Variants in CDH8 observed in about 807,000 individuals in gnomAD.
The protein encoded by CDH8 is cadherin 8.
A neutral mutation model predicts 68.1 loss-of-function variants in CDH8; 17 were observed. The ratio of observed to expected loss-of-function variants is 0.25; its 90% CI spans 0.17 to 0.37. The LOEUF (loss-of-function observed/expected upper bound fraction) is 0.37. CDH8 is among the 10% of genes least tolerant of loss of function. The pLI is 1.00. For synonymous variants in CDH8, 372 were observed against 365.1 expected, an observed-to-expected ratio of 1.02 and a Z score of -0.21; for missense variants, 763 against 999.3, an observed-to-expected ratio of 0.76 and a Z score of 3.19.
intron 2 of CDH8, among the ~76,000 whole-genome samples, chr16:61,953,693 C>A (rs191393745): frequency 6.6e-6 from 1 of 151,314 alleles, no homozygotes; most frequent in Admixed American, 6.6e-5. Flanking sequence ...CTTGGCAACA[C>A]CCTGTCTCTA....
At position 61,655,712 on chromosome 16, in the gene CDH8, A is replaced by T; in HGVS notation, c.1664T>A (p.Leu555His). The change falls in exon 11 of 12, where the codon CTC (leucine) becomes CAC (histidine). Residue 555 changes from leucine (L) to histidine (H), a missense_variant. Physicochemically the swap from Leu to His is moderately conservative, Grantham distance 99. This residue lies in a region of CDH8 where 397 missense variants were observed against 436.2 expected (regional missense o/e 0.91). Coordinates refer to ENST00000577390, the MANE Select transcript of CDH8 (RefSeq NM_001796.5). ...TCCATTATGCTTTGCCAAAATACTG[A>T]GGGAATTATCTGAAAAAAGTAAAAA... ...FTIKKNEDNS[L>H]SILAKHNGFN... 6.2e-7 allele frequency: 1 copy of T among 1,613,478 alleles called. No homozygotes were observed.
Position 61,647,544 on chromosome 16 carries a change from T to C in CDH8, c.*6064A>G. 2.3e-6 allele frequency: 1 copy of C among 437,276 alleles called. No individual in the cohort carries two copies. The allele number at this position is 437,276 out of a possible 1,614,324, so 27.1% of individuals were successfully genotyped here. A position where few individuals can be genotyped will look rare whatever the true frequency, so the allele number is the denominator to read the frequency against. On this transcript the variant is annotated 3_prime_UTR_variant, in exon 12 of 12. Coordinates refer to ENST00000577390, the MANE Select transcript of CDH8 (RefSeq NM_001796.5). ...CATAATTGTTAAAATCTTCCTCTTA[T>C]TTGTGAGGGATCATAGGATGGCCTG...
chr16:61,939,241 G>A (rs371812664), intron 2 of CDH8, among the ~76,000 whole-genome samples: 6 of 152,110 alleles, frequency 3.9e-5, no homozygotes, highest in African/African-American at 1.4e-4. Context: ...TTTCTAATTA[G>A]AATTAAGTTT....
chr16:61,983,060 A>G (rs1050259325), intron 2 of CDH8, among the ~76,000 whole-genome samples: 3 of 152,246 alleles, frequency 2.0e-5, no homozygotes, highest in African/African-American at 4.8e-5. Flanking sequence ...AATTAATCCA[A>G]TAAAAATAGA....
intron 2 of CDH8, among the ~76,000 whole-genome samples, chr16:61,951,091 A>AATCATCATC (rs144502941): frequency 2.2e-4 from 33 of 151,390 alleles, no homozygotes; most frequent in Admixed American, 7.2e-4. Context: ...GATAACTAGT[A>AATCATCATC]ATCATCATCA....
At chr16:61,665,930 T>C (rs1313608589) in intron 10 of CDH8, among the ~76,000 whole-genome samples, 3 of 148,656 alleles carry the variant, frequency 2.0e-5, no homozygotes, top group Admixed American at 2.0e-4. Context: ...TCATTTTCCA[T>C]GGTTTCCGTT....
intron 7 of CDH8, among the ~76,000 whole-genome samples, chr16:61,803,558 T>TATTC (rs1396685642): frequency 6.6e-6 from 1 of 152,072 alleles, no homozygotes; most frequent in African/African-American, 2.4e-5. Context: ...CAGTGTGCTG[T>TATTC]ATTCAGGAAG....
chr16:61,745,345 A>G (rs576491569), intron 8 of CDH8, among the ~76,000 whole-genome samples: 76 of 151,692 alleles, frequency 5.0e-4, no homozygotes, highest in Admixed American at 3.2e-3. Flanking sequence ...TTTTATTTGT[A>G]TTTACCCTGT....
At chr16:61,685,047 T>C (rs947486970) in intron 10 of CDH8, among the ~76,000 whole-genome samples, 1 of 151,946 alleles carries the variant, frequency 6.6e-6, no homozygotes, top group Non-Finnish European at 1.5e-5. Context: ...GTCACCATTG[T>C]TTTGTATTAA....
intron 8 of CDH8, among the ~76,000 whole-genome samples, chr16:61,746,576 C>T (rs886929347): frequency 6.6e-6 from 1 of 151,512 alleles, no homozygotes; most frequent in African/African-American, 2.4e-5. Context: ...CACACACACA[C>T]ACACACACAC....
rs146650566 is a variant in CDH8 at position 61,707,667 on chromosome 16, G to T, written c.1654+6174C>A. On this transcript the variant is annotated intron_variant, in intron 10 of 11. Coordinates refer to ENST00000577390, the MANE Select transcript of CDH8 (RefSeq NM_001796.5). ...TGGAATGTCACGTATGCCCAATGTTGTATCTATAAAGTGCTGAAATTAATG... is the reference window on the plus strand; with the variant it reads ...TGGAATGTCACGTATGCCCAATGTTTTATCTATAAAGTGCTGAAATTAATG... Among the ~76,000 whole-genome samples the T allele has an allele frequency of 4.2e-4, 64 of 152,220 alleles. 3 individuals are homozygous for T. In the East Asian group the frequency reaches 0.012, roughly 29 times the overall value.
At chr16:61,964,612 C>T (rs79389907) in intron 2 of CDH8, among the ~76,000 whole-genome samples, 3,141 of 152,026 alleles carry the variant, frequency 0.021, 84 homozygotes, top group African/African-American at 0.065. Flanking sequence ...GGCTGAGGTC[C>T]TAGCTCAACT....
In CDH8 at chr16:61,867,807, T is replaced by C. The variant is rs376092868; in HGVS notation, c.548-10569A>G. Among the ~76,000 whole-genome samples the C allele has an allele frequency of 1.3e-4, 20 of 152,298 alleles. No individual in the cohort carries two copies. In the East Asian group the frequency reaches 3.7e-3, roughly 28 times the overall value. On this transcript the variant is annotated intron_variant, in intron 3 of 11. Coordinates refer to ENST00000577390, the MANE Select transcript of CDH8 (RefSeq NM_001796.5). ...TCCTAAGTTGAATCATTCCCTCTTC[T>C]GAACTCTCAAAATACTTTACTTGAT...
intron 10 of CDH8, among the ~76,000 whole-genome samples, chr16:61,712,596 G>T (rs1380646841): frequency 6.6e-6 from 1 of 151,484 alleles, no homozygotes; most frequent in Non-Finnish European, 1.5e-5. Context: ...AAAAAATATT[G>T]GTGATGCTAA....
At chr16:61,733,509 T>A (rs2142907726) in intron 8 of CDH8, among the ~76,000 whole-genome samples, 1 of 152,048 alleles carries the variant, frequency 6.6e-6, no homozygotes, top group Non-Finnish European at 1.5e-5. Flanking sequence ...AAATTAAAAA[T>A]ATTTGTGTTT....
chr16:61,889,637 A>G (rs1345649453), intron 3 of CDH8, among the ~76,000 whole-genome samples: 4 of 152,156 alleles, frequency 2.6e-5, no homozygotes, highest in Admixed American at 2.0e-4. Flanking sequence ...GAACTCTGTG[A>G]GGTTTACTCC....
chr16:61,763,089 A>C (rs1960508096), intron 8 of CDH8, among the ~76,000 whole-genome samples: 1 of 152,168 alleles, frequency 6.6e-6, no homozygotes. Flanking sequence ...GAGGCCACCC[A>C]GGATTTCAGC....
At chr16:61,672,659 A>C (rs1963821611) in intron 10 of CDH8, among the ~76,000 whole-genome samples, 2 of 152,068 alleles carry the variant, frequency 1.3e-5, no homozygotes, top group African/African-American at 4.8e-5. Context: ...CAATCTTTTA[A>C]GAATGTTTGG....
At chr16:61,832,962 A>G (rs1421807506) in intron 4 of CDH8, among the ~76,000 whole-genome samples, 1 of 151,706 alleles carries the variant, frequency 6.6e-6, no homozygotes, top group Admixed American at 6.6e-5. Context: ...TCTGTCTATA[A>G]GAAGAAGCAC....
Sources: gnomAD v4.1 joint callset for allele counts (sites outside exome capture counted in the v4.1 genomes callset) on GRCh38, gnomAD v4.1.1 for gene constraint, gnomAD v4.1.1 regional missense constraint, MANE v1.5 for transcripts, NCBI Gene and HGNC (gene_info 2026-07-23, HGNC 2026-07-21) for gene names.